Variants in CDYL2 observed in about 807,000 individuals in gnomAD.
CDYL2 encodes chromodomain Y like 2.
A neutral mutation model predicts 49.4 loss-of-function variants in CDYL2; 23 were observed. The observed-to-expected ratio is 0.47, with a 90% CI of 0.34 to 0.66. The LOEUF is 0.66. Ranked by LOEUF, CDYL2 falls within the 30% of genes least tolerant of loss-of-function variation. The pLI, the probability that CDYL2 is intolerant of heterozygous loss-of-function variation, is 0.01. For synonymous variants in CDYL2, 360 were observed against 268.8 expected, an observed-to-expected ratio of 1.34 and a Z score of -3.32; for missense variants, 678 against 656.4, an observed-to-expected ratio of 1.03 and a Z score of -0.36.
At chr16:80,752,855 C>T (rs532173919) in intron 1 of CDYL2, among the ~76,000 whole-genome samples, 1 of 152,288 alleles carries the variant, frequency 6.6e-6, no homozygotes, top group African/African-American at 2.4e-5. Flanking sequence ...CTCTCAGAAG[C>T]TAGTGCAGCA....
intron 1 of CDYL2, among the ~76,000 whole-genome samples, chr16:80,749,882 G>C (rs8055416): frequency 2.0e-5 from 3 of 152,052 alleles, no homozygotes; most frequent in East Asian, 1.9e-4. Flanking sequence ...GTGGCACATA[G>C]ACACCATGGA....
chr16:80,637,189 A>T (rs1022894629), intron 2 of CDYL2, among the ~76,000 whole-genome samples: 10 of 148,518 alleles, frequency 6.7e-5, no homozygotes, highest in Non-Finnish European at 1.2e-4. Flanking sequence ...GTATACATTT[A>T]AAAAAAAATC....
chr16:80,604,575 C>G (rs773188774), intron 6 of CDYL2, 29 bp from the exon 7 acceptor site: 2 of 1,613,258 alleles, frequency 1.2e-6, no homozygotes, highest in Non-Finnish European at 1.7e-6. Context: ...GCCTGATTAG[C>G]CGGGCACCAG....
At chr16:80,655,496 G>C (rs910132770) in intron 2 of CDYL2, among the ~76,000 whole-genome samples, 1 of 152,188 alleles carries the variant, frequency 6.6e-6, no homozygotes, top group Non-Finnish European at 1.5e-5. Context: ...GTGATAAAGA[G>C]TGATGCAGGG....
chr16:80,788,852 C>G (rs10445094), intron 1 of CDYL2, among the ~76,000 whole-genome samples: 2 of 151,912 alleles, frequency 1.3e-5, no homozygotes, highest in African/African-American at 4.8e-5. Context: ...ATGCCCTCAT[C>G]AAAGGACTAA....
chr16:80,723,226 G>A (rs1905057465), intron 1 of CDYL2, among the ~76,000 whole-genome samples: 1 of 152,214 alleles, frequency 6.6e-6, no homozygotes, highest in South Asian at 2.1e-4. Flanking sequence ...TCCTCTCGGA[G>A]CTTTTCCTCC....
chr16:80,632,154 A>T (rs1907592325), intron 3 of CDYL2, among the ~76,000 whole-genome samples: 1 of 152,262 alleles, frequency 6.6e-6, no homozygotes, highest in Admixed American at 6.5e-5. Flanking sequence ...AATCAAAAGT[A>T]GAAACAAGCC....
At chr16:80,667,294 C>T (rs1038218655) in intron 2 of CDYL2, among the ~76,000 whole-genome samples, 2 of 152,142 alleles carry the variant, frequency 1.3e-5, no homozygotes, top group African/African-American at 4.8e-5. Context: ...CTCAGCCTCC[C>T]GTGCAGGCTG....
chr16:80,713,452 T>C (rs1356339217), intron 1 of CDYL2, among the ~76,000 whole-genome samples: 1 of 152,132 alleles, frequency 6.6e-6, no homozygotes, highest in Non-Finnish European at 1.5e-5. Context: ...TAGGTTACTG[T>C]TCAGGATGTT....
chr16:80,732,259 G>C (rs893681852), intron 1 of CDYL2, among the ~76,000 whole-genome samples: 3 of 152,102 alleles, frequency 2.0e-5, no homozygotes, highest in African/African-American at 7.2e-5. Flanking sequence ...TTCTACAACT[G>C]AGAGAGTATC....
intron 1 of CDYL2, among the ~76,000 whole-genome samples, chr16:80,760,159 C>T (rs555255902): frequency 1.3e-5 from 2 of 152,318 alleles, no homozygotes; most frequent in African/African-American, 2.4e-5. Context: ...TATTATCCAA[C>T]TTGGGGATGC....
At chr16:80,752,420 C>G (rs1455979018) in intron 1 of CDYL2, among the ~76,000 whole-genome samples, 1 of 151,890 alleles carries the variant, frequency 6.6e-6, no homozygotes, top group African/African-American at 2.4e-5. Context: ...GTCACAAAAT[C>G]CCAAGCAGAA....
At chr16:80,703,744 T>G (rs1472965004) in intron 1 of CDYL2, among the ~76,000 whole-genome samples, 1 of 152,156 alleles carries the variant, frequency 6.6e-6, no homozygotes, top group Non-Finnish European at 1.5e-5. Context: ...CAGGCTCCCC[T>G]AAGTCCTGCT....
intron 1 of CDYL2, among the ~76,000 whole-genome samples, chr16:80,693,556 G>C (rs767055223): frequency 6.6e-6 from 1 of 152,098 alleles, no homozygotes; most frequent in Non-Finnish European, 1.5e-5. Context: ...CAAGAAAACA[G>C]ATAAACAAAC....
intron 1 of CDYL2, among the ~76,000 whole-genome samples, chr16:80,771,828 A>G (rs1906915279): frequency 6.6e-6 from 1 of 152,206 alleles, no homozygotes; most frequent in Non-Finnish European, 1.5e-5. Context: ...TTTTAAGACA[A>G]ACTAGACACT....
At chr16:80,772,940 G>A (rs1429633824) in intron 1 of CDYL2, among the ~76,000 whole-genome samples, 2 of 152,066 alleles carry the variant, frequency 1.3e-5, no homozygotes, top group African/African-American at 4.8e-5. Context: ...CAGTGCAATG[G>A]TAGTTTTAAG....
At chr16:80,677,362 G>C (rs1207580212) in intron 2 of CDYL2, among the ~76,000 whole-genome samples, 2 of 152,136 alleles carry the variant, frequency 1.3e-5, no homozygotes, top group Non-Finnish European at 2.9e-5. Flanking sequence ...AAGTGATGAT[G>C]TTATCTAGGT....
intron 3 of CDYL2, among the ~76,000 whole-genome samples, chr16:80,629,618 C>T (rs1296650500): frequency 6.6e-6 from 1 of 152,204 alleles, no homozygotes; most frequent in African/African-American, 2.4e-5. Context: ...CATTTCTGTT[C>T]ATCTCCTGGT....
intron 2 of CDYL2, among the ~76,000 whole-genome samples, chr16:80,656,310 G>A (rs974285668): frequency 6.6e-6 from 1 of 152,214 alleles, no homozygotes; most frequent in Non-Finnish European, 1.5e-5. Flanking sequence ...CCACACCCAG[G>A]CCTAGGCCAA....
Sources: allele counts gnomAD v4.1 joint callset (sites outside exome capture counted in the v4.1 genomes callset), GRCh38; gene constraint gnomAD v4.1.1; transcripts MANE v1.5; gene names NCBI Gene and HGNC (gene_info 2026-07-23, HGNC 2026-07-21).